POMT2: variants seen among roughly 807,000 people sequenced by gnomAD.
POMT2 encodes the protein protein O-mannosyl-transferase 2.
Under a neutral mutation model 100.0 loss-of-function variants are expected in POMT2, and 75 were observed. The ratio of observed to expected loss-of-function variants is 0.75; its 90% CI spans 0.62 to 0.91. POMT2 has a LOEUF of 0.91. Ranked by LOEUF, POMT2 falls within the 40% of genes least tolerant of loss-of-function variation. The probability of loss-of-function intolerance (pLI) is 0.00; values close to 1 mark genes in which losing one functional copy is unlikely to be tolerated. For missense variants in POMT2, 940 were observed against 955.1 expected, an observed-to-expected ratio of 0.98 and a Z score of 0.21; for synonymous variants, 378 against 374.1, an observed-to-expected ratio of 1.01 and a Z score of -0.12.
At position 77,280,403 on chromosome 14, in the gene POMT2, T is replaced by C. The variant is rs747778362; in HGVS notation, c.1714A>G (p.Ile572Val). The C allele has an allele frequency of 9.3e-6, 15 of 1,614,136 alleles. No individual in the cohort carries two copies. The East Asian group carries it at 2.2e-4, about 24-fold the overall frequency. ...GCCTTGGATCCTACCTGATAGTTGA[T>C]AGGCCAGTGCCAGGGTTTGGACGTG... ...EFTSKPWHWP[I>V]NYQGLRFSGV... Residue 572 changes from isoleucine (I) to valine (V), a missense_variant, in exon 16 of 21, where the codon ATC (isoleucine) becomes GTC (valine). By Grantham distance (29) the Ile-to-Val change is conservative. Transcript: ENST00000261534.
At position 77,277,200 on chromosome 14, in the gene POMT2, G is replaced by A. The variant is rs143803905; in HGVS notation, c.*176C>T. The A allele has an allele frequency of 2.4e-3, 1,551 of 642,918 alleles. 7 individuals carry two copies. The highest frequency in any genetic ancestry group is 3.2e-3 in the Non-Finnish European group (1,135 of 356,164). The allele number at this position is 642,918 out of a possible 1,614,324, so 39.8% of individuals were successfully genotyped here. A position where few individuals can be genotyped will look rare whatever the true frequency, so the allele number is the denominator to read the frequency against. ...GTGGACGGAGCTGCGGCTCTCTCCC[G>A]GCTCTCTCCAATGCTGGGTTCCATT... On this transcript the variant is annotated 3_prime_UTR_variant, in exon 21 of 21. Transcript: ENST00000261534.
intron 15 of POMT2, among the ~76,000 whole-genome samples, chr14:77,281,595 T>C (rs1326243842): frequency 6.6e-6 from 1 of 152,174 alleles, no homozygotes; most frequent in Non-Finnish European, 1.5e-5. Flanking sequence ...GCCTTATCAC[T>C]GGGACAGACT....
chr14:77,319,240 C>T (rs8177531), intron 1 of POMT2, among the ~76,000 whole-genome samples: 21 of 152,226 alleles, frequency 1.4e-4, no homozygotes, highest in African/African-American at 4.6e-4. Context: ...GAATCCAGGA[C>T]CCTGGAGGGC....
At chr14:77,313,351 G>A (rs955916228) in intron 1 of POMT2, among the ~76,000 whole-genome samples, 1 of 152,238 alleles carries the variant, frequency 6.6e-6, no homozygotes, top group East Asian at 1.9e-4. Flanking sequence ...GGCATGGTGA[G>A]GTCGAAGACA....
intron 9 of POMT2, among the ~76,000 whole-genome samples, chr14:77,295,720 C>A (rs1890805205): frequency 6.6e-6 from 1 of 151,782 alleles, no homozygotes; most frequent in African/African-American, 2.4e-5. Flanking sequence ...GCAGGCTTCA[C>A]ACCCCGATCA....
intron 18 of POMT2, 87 bp downstream of exon 18, chr14:77,279,736 G>T: frequency 1.5e-6 from 2 of 1,316,082 alleles, no homozygotes. Context: ...GCAAAGGATG[G>T]CCCATCAGCA....
chr14:77,310,072 C>T (rs1386154603), intron 2 of POMT2, among the ~76,000 whole-genome samples: 1 of 152,200 alleles, frequency 6.6e-6, no homozygotes, highest in Non-Finnish European at 1.5e-5. Flanking sequence ...ACGGGCAGTC[C>T]CCACAGAAAG....
intron 18 of POMT2, 164 bp downstream of exon 18, chr14:77,279,659 G>A: frequency 1.4e-6 from 1 of 738,782 alleles, no homozygotes; most frequent in Non-Finnish European, 2.4e-6. Context: ...GTTTAACACA[G>A]CACTGGGTAC....
At position 77,278,763 on chromosome 14, in the gene POMT2, G is replaced by A. The variant is rs756672659; in HGVS notation, c.1998C>T (p.Tyr666=). Residue 666 remains tyrosine (Y), a synonymous_variant, in exon 19 of 21, where the codon TAC becomes TAT. Transcript: ENST00000261534. ...LMGRVLYFHH[Y]FPAMLFSSML... The stretch of plus-strand genomic sequence containing the variant: ...TGCTTGAGAAGAGCATGGCTGGGAA[G>A]TAGTGGTGGAAGTAGAGGACCCGGC... 2 of 1,613,984 alleles carry A rather than the reference G, an allele frequency of 1.2e-6. No homozygotes were observed. Among genetic ancestry groups the A allele is most frequent in the Admixed American group, 1.7e-5 (1 of 60,022 alleles).
chr14:77,291,382 TGGGTGGGGGGTGG>T lies in POMT2; in HGVS notation c.1117-15_1117-3del. 1.5e-6 allele frequency: 1 copy of T among 646,014 alleles called. No homozygotes were observed. Among genetic ancestry groups the T allele is most frequent in the Non-Finnish European group, 2.4e-6 (1 of 408,672 alleles). 40.0% of individuals were successfully genotyped at this position (646,014 alleles called of 1,614,324 possible). A position where few individuals can be genotyped will look rare whatever the true frequency, so the allele number is the denominator to read the frequency against. On this transcript the variant is annotated splice_region_variant and splice_polypyrimidine_tract_variant and intron_variant, in intron 9 of 20. Transcript: ENST00000261534. ...GTCCTTGTGCAAATAGGTGGTGACC[TGGGTGGGGGGTGG>T]GGGCGGAGGGAAGAGGAAGCAGGAG...
At chr14:77,288,123 A>G (rs1486538162) in intron 11 of POMT2, among the ~76,000 whole-genome samples, 1 of 152,250 alleles carries the variant, frequency 6.6e-6, no homozygotes, top group Non-Finnish European at 1.5e-5. Flanking sequence ...CTCAAGAGAC[A>G]GCCAAAAGTC....
At chr14:77,297,091 T>C (rs979155775) in intron 8 of POMT2, among the ~76,000 whole-genome samples, 1 of 152,192 alleles carries the variant, frequency 6.6e-6, no homozygotes, top group Non-Finnish European at 1.5e-5. Flanking sequence ...CTCCCAAGGA[T>C]TAAAGAGAGG....
chr14:77,308,359 T>TC (rs998192283), intron 2 of POMT2, among the ~76,000 whole-genome samples: 2 of 148,898 alleles, frequency 1.3e-5, no homozygotes, highest in East Asian at 3.9e-4. Flanking sequence ...TTTTTTTGTT[T>TC]TTTTTTTTTT....
At chr14:77,280,578 T>C in intron 15 of POMT2, 115 bp from the exon 16 acceptor site, 1 of 1,558,934 alleles carries the variant, frequency 6.4e-7, no homozygotes, top group African/African-American at 1.4e-5. Flanking sequence ...CCTTCTCTCC[T>C]TCCCTTCCCT....
intron 7 of POMT2, among the ~76,000 whole-genome samples, chr14:77,299,117 G>A (rs529028585): frequency 6.6e-6 from 1 of 152,318 alleles, no homozygotes; most frequent in South Asian, 2.1e-4. Flanking sequence ...CATTAAGTGG[G>A]AGCTGTTGCC....
At position 77,301,126 on chromosome 14, in the gene POMT2, G is replaced by A. The variant is rs2139480330; in HGVS notation, c.780C>T (p.Asp260=). The change falls in exon 6 of 21, where the codon GAC becomes GAT. Residue 260 remains aspartate, a synonymous_variant. Transcript: ENST00000261534. ...ILQVGLNTIA[D]LWYLFGDLSL... Reference sequence around the variant, plus strand: ...TGAGGTCTCCGAACAGGTACCAAAGGTCTGCAATGGTGTTCAGCCCCACTT... The same window carrying A: ...TGAGGTCTCCGAACAGGTACCAAAGATCTGCAATGGTGTTCAGCCCCACTT... The A allele has an allele frequency of 1.2e-6, 2 of 1,614,202 alleles. No individual in the cohort carries two copies. The highest frequency in any genetic ancestry group is 1.7e-6 in the Non-Finnish European group (2 of 1,180,040).
Position 77,278,412 on chromosome 14 carries a change from A to G in POMT2, c.2129T>C (p.Leu710Pro). 6.8e-7 allele frequency: 1 copy of G among 1,473,660 alleles called. No individual in the cohort carries two copies. Among genetic ancestry groups the G allele is most frequent in the Non-Finnish European group, 9.3e-7 (1 of 1,076,764 alleles). 91.3% of individuals were successfully genotyped at this position (1,473,660 alleles called of 1,614,324 possible). The change falls in exon 20 of 21, where the codon CTC (leucine) becomes CCC (proline). Residue 710 changes from leucine to proline, a missense_variant. Leu to Pro is a moderately conservative substitution (Grantham distance 98). Transcript: ENST00000261534. ...GIHVAGILSL[L>P]LGTAYSFYLF... The stretch of plus-strand genomic sequence containing the variant: ...TGCTCACCTGTAGGCAGTTCCCAGG[A>G]GCAGGCTCAGGATTCCCGCCACATG...
At chr14:77,302,567 GATA>G (rs1381851194) in intron 5 of POMT2, among the ~76,000 whole-genome samples, 3 of 152,104 alleles carry the variant, frequency 2.0e-5, no homozygotes, top group South Asian at 4.2e-4. Context: ...TTGTAAACAT[GATA>G]ATAATAATAC....
chr14:77,300,598 T>G (rs908650685), intron 6 of POMT2: 4 of 172,946 alleles, frequency 2.3e-5, no homozygotes, highest in Non-Finnish European at 3.7e-5. Flanking sequence ...GGCGGGCGGA[T>G]CACTTGAGGT....
Sources: allele counts gnomAD v4.1 joint callset (sites outside exome capture counted in the v4.1 genomes callset), GRCh38; gene constraint gnomAD v4.1.1; transcripts MANE v1.5; gene names NCBI Gene and HGNC (gene_info 2026-07-23, HGNC 2026-07-21).